Variants in RAPGEF5 observed in about 807,000 individuals in gnomAD.
RAPGEF5 encodes Rap guanine nucleotide exchange factor 5, also known as M-Ras-regulated GEF.
A neutral mutation model predicts 125.2 loss-of-function variants in RAPGEF5; 65 were observed. That is an observed-to-expected ratio of 0.52 (90% CI 0.43 to 0.64). The LOEUF is 0.64. RAPGEF5 is among the 30% of genes least tolerant of loss of function. The pLI is 0.00. For missense variants in RAPGEF5, 958 were observed against 1,048.1 expected (o/e 0.91, Z 1.19); for synonymous variants, 391 against 385.9 (o/e 1.01, Z -0.16).
intron 5 of RAPGEF5, among the ~76,000 whole-genome samples, chr7:22,299,676 GC>G (rs1022397898): frequency 2.6e-5 from 4 of 151,942 alleles, no homozygotes; most frequent in African/African-American, 9.7e-5. Flanking sequence ...CAGTCAGCTA[GC>G]AAAAAATTCT....
chr7:22,137,874 T>A (rs780379828), intron 21 of RAPGEF5, among the ~76,000 whole-genome samples: 18 of 152,226 alleles, frequency 1.2e-4, no homozygotes, highest in Non-Finnish European at 2.5e-4. Context: ...CTAAAAGGAA[T>A]CAAAACAATG....
At chr7:22,297,905 T>C (rs990551906) in intron 5 of RAPGEF5, among the ~76,000 whole-genome samples, 7 of 152,202 alleles carry the variant, frequency 4.6e-5, no homozygotes, top group African/African-American at 1.7e-4. Context: ...TAAAGTCTTA[T>C]CAGATTGAGG....
chr7:22,177,721 G>T (rs939165267), intron 11 of RAPGEF5, among the ~76,000 whole-genome samples: 1 of 152,170 alleles, frequency 6.6e-6, no homozygotes, highest in Non-Finnish European at 1.5e-5. Flanking sequence ...CAGCACTGAG[G>T]CTGAGATGAA....
At chr7:22,245,474 T>C (rs887251499) in intron 7 of RAPGEF5, among the ~76,000 whole-genome samples, 2 of 152,106 alleles carry the variant, frequency 1.3e-5, no homozygotes, top group African/African-American at 4.8e-5. Context: ...AATCTATTTT[T>C]CATTTGTTTT....
intron 6 of RAPGEF5, among the ~76,000 whole-genome samples, chr7:22,286,164 T>C (rs1027973975): frequency 1.3e-5 from 2 of 152,016 alleles, no homozygotes; most frequent in Admixed American, 6.6e-5. Flanking sequence ...GAGACATAAA[T>C]TCCCCCCCAC....
chr7:22,190,307 C>G (rs1023838978), intron 11 of RAPGEF5, among the ~76,000 whole-genome samples: 7 of 152,100 alleles, frequency 4.6e-5, no homozygotes, highest in Non-Finnish European at 1.0e-4. Flanking sequence ...TCATGCATTC[C>G]TTCATTCCAT....
chr7:22,175,389 C>T (rs1784472252), intron 11 of RAPGEF5, among the ~76,000 whole-genome samples: 1 of 152,020 alleles, frequency 6.6e-6, no homozygotes, highest in African/African-American at 2.4e-5. Flanking sequence ...CTTTTTTTCT[C>T]CAAAGACTCC....
intron 5 of RAPGEF5, among the ~76,000 whole-genome samples, chr7:22,301,540 G>A (rs925875236): frequency 6.0e-5 from 9 of 151,126 alleles, no homozygotes; most frequent in Non-Finnish European, 1.2e-4. Flanking sequence ...GCGTGAACCC[G>A]GGAGGCGGAG....
chr7:22,208,646 A>T (rs1785446586), intron 9 of RAPGEF5, among the ~76,000 whole-genome samples: 1 of 152,180 alleles, frequency 6.6e-6, no homozygotes, highest in African/African-American at 2.4e-5. Context: ...GTGCTGCCCA[A>T]TTCTTCCTTC....
At chr7:22,336,358 T>C (rs1048078292) in intron 1 of RAPGEF5, among the ~76,000 whole-genome samples, 1 of 152,218 alleles carries the variant, frequency 6.6e-6, no homozygotes, top group African/African-American at 2.4e-5. Flanking sequence ...ATAAGGGCAA[T>C]GAAATTTAAT....
chr7:22,262,612 C>T (rs79010867), intron 7 of RAPGEF5, among the ~76,000 whole-genome samples: 6,712 of 152,146 alleles, frequency 0.044, 187 homozygotes, highest in South Asian at 0.071. Flanking sequence ...CTCACATATA[C>T]AAAAAACCCT....
At chr7:22,222,303 T>C (rs929448990) in intron 8 of RAPGEF5, among the ~76,000 whole-genome samples, 4 of 151,838 alleles carry the variant, frequency 2.6e-5, no homozygotes, top group African/African-American at 7.3e-5. Flanking sequence ...AACATACCAA[T>C]AGGAAATACA....
At chr7:22,165,728 A>T (rs1367692453) in intron 12 of RAPGEF5, among the ~76,000 whole-genome samples, 1 of 152,084 alleles carries the variant, frequency 6.6e-6, no homozygotes, top group South Asian at 2.1e-4. Flanking sequence ...ATGAAGTTTT[A>T]AAGTATTCTT....
rs11330777 is a variant in RAPGEF5 at position 22,254,608 on chromosome 7, C to CA, written c.796+12355dup. On this transcript the variant is annotated intron_variant, in intron 7 of 25. Coordinates refer to ENST00000665637, the MANE Select transcript of RAPGEF5 (RefSeq NM_012294.5). Reference sequence around the variant, plus strand: ...GGGTGACAAGAGCAAAACTCCGTCTCAAAAAAAAAAAAAAAAAAAAAATCA... The same window carrying CA: ...GGGTGACAAGAGCAAAACTCCGTCTCAAAAAAAAAAAAAAAAAAAAAAATCA... 3.7e-3 allele frequency among the ~76,000 whole-genome samples: 310 copies of CA among 82,870 alleles called. 2 individuals carry two copies. Among genetic ancestry groups the CA allele is most frequent in the South Asian group, 0.016 (41 of 2,514 alleles). 54.4% of individuals were successfully genotyped at this position (82,870 alleles called of 152,430 possible).
rs767258188 is a variant in RAPGEF5, at chr7:22,136,093, A to G, written c.2361T>C (p.Asp787=). The G allele has an allele frequency of 3.1e-6, 5 of 1,612,944 alleles. No individual in the cohort carries two copies. In the South Asian group the frequency reaches 4.4e-5, roughly 14 times the overall value. The change falls in exon 23 of 26, where the codon GAT becomes GAC. Residue 787 remains aspartate (D), a synonymous_variant. Transcript: ENST00000665637. ...DPSLNHKAYR[D]AFKKMKPPKI... ...TTGGTGGCTTCATCTTTTTGAATGC[A>G]TCTCTGTAGGCTTTGTGATTTAGGG... is the stretch of plus-strand genomic sequence containing the variant.
intron 7 of RAPGEF5, among the ~76,000 whole-genome samples, chr7:22,235,028 T>C (rs190328046): frequency 7.7e-4 from 117 of 152,278 alleles, no homozygotes; most frequent in African/African-American, 2.6e-3. Flanking sequence ...TCAGGACCAT[T>C]ATTTAAAAAT....
intron 9 of RAPGEF5, among the ~76,000 whole-genome samples, chr7:22,204,504 C>T (rs1785353173): frequency 1.3e-5 from 2 of 152,074 alleles, no homozygotes; most frequent in Non-Finnish European, 1.5e-5. Flanking sequence ...GGCAAAGTAG[C>T]AATCCAAAGG....
intron 13 of RAPGEF5, 52 bp downstream of exon 13, chr7:22,162,345 A>G: frequency 6.7e-7 from 1 of 1,499,698 alleles, no homozygotes. Flanking sequence ...TGCATAACTA[A>G]AAATAGAATC....
At chr7:22,308,642 C>T in intron 4 of RAPGEF5, 135 bp from the exon 5 acceptor site, 2 of 701,164 alleles carry the variant, frequency 2.9e-6, no homozygotes, top group Non-Finnish European at 4.3e-6. Context: ...ATTCTAAGCT[C>T]ATTCATGTTT....
Sources: gnomAD v4.1 joint callset for allele counts (sites outside exome capture counted in the v4.1 genomes callset) on GRCh38, gnomAD v4.1.1 for gene constraint, MANE v1.5 for transcripts, NCBI Gene and HGNC (gene_info 2026-07-23, HGNC 2026-07-21) for gene names.